Variants in SEMA4D observed in about 807,000 individuals in gnomAD.
SEMA4D encodes the protein semaphorin 4D, also known as semaphorin-4D.
SEMA4D carries 22 observed loss-of-function variants against 74.8 expected under a neutral mutation model. The ratio of observed to expected loss-of-function variants is 0.29; its 90% CI spans 0.21 to 0.42. SEMA4D has a LOEUF of 0.42. Ranked by LOEUF, SEMA4D falls within the 10% of genes least tolerant of loss-of-function variation. The pLI is 1.00. For synonymous variants in SEMA4D, 445 were observed against 463.7 expected, an observed-to-expected ratio of 0.96 and a Z score of 0.52; for missense variants, 937 against 1,118.4, an observed-to-expected ratio of 0.84 and a Z score of 2.31.
At position 89,384,820 on chromosome 9, in the gene SEMA4D, CT is replaced by C. The variant is rs1178630949; in HGVS notation, c.1446+1546del. 5 of 985,284 alleles carry C rather than the reference CT, an allele frequency of 5.1e-6. No homozygotes were observed. In the African/African-American group the frequency reaches 8.7e-5, roughly 17 times the overall value. 61.0% of individuals were successfully genotyped at this position (985,284 alleles called of 1,614,324 possible). ...GCCTGATGGGGTCAGGCGGCACAGTCTTTTTACCACTGAACAGCCACTTCCT... is the reference window on the plus strand; with the variant it reads ...GCCTGATGGGGTCAGGCGGCACAGTCTTTTACCACTGAACAGCCACTTCCT... On this transcript the variant is annotated intron_variant, in intron 13 of 15. Coordinates refer to ENST00000422704, the MANE Select transcript of SEMA4D (RefSeq NM_001371194.2).
intron 1 of SEMA4D, among the ~76,000 whole-genome samples, chr9:89,468,697 C>A (rs1295226171): frequency 6.6e-6 from 1 of 152,204 alleles, no homozygotes; most frequent in Non-Finnish European, 1.5e-5. Flanking sequence ...CTCATCCCCC[C>A]TCTAAGTGGT....
intron 2 of SEMA4D, among the ~76,000 whole-genome samples, chr9:89,431,463 A>T (rs1014927306): frequency 2.0e-5 from 3 of 152,148 alleles, no homozygotes; most frequent in African/African-American, 7.2e-5. Context: ...GGCATTTTTC[A>T]GTATTGTTCT....
intron 2 of SEMA4D, among the ~76,000 whole-genome samples, chr9:89,424,615 C>T (rs1255721620): frequency 6.6e-6 from 1 of 152,066 alleles, no homozygotes; most frequent in East Asian, 1.9e-4. Flanking sequence ...CCTTCTCGAA[C>T]CCTACTAATT....
chr9:89,475,454 C>T (rs1250016160), intron 1 of SEMA4D, among the ~76,000 whole-genome samples: 3 of 152,258 alleles, frequency 2.0e-5, no homozygotes, highest in African/African-American at 4.8e-5. Context: ...CCCACTCCCA[C>T]CACACGGCCA....
intron 1 of SEMA4D, among the ~76,000 whole-genome samples, chr9:89,479,100 T>C (rs545703005): frequency 1.6e-3 from 251 of 152,262 alleles, no homozygotes; most frequent in African/African-American, 5.5e-3. Flanking sequence ...TGGCTGCCTG[T>C]GGAGCTTGGG....
Position 89,468,781 on chromosome 9 carries a change from G to A in SEMA4D, c.-309-12828C>T, listed in dbSNP as rs1222183136. 3.3e-5 allele frequency among the ~76,000 whole-genome samples: 5 copies of A among 152,152 alleles called. No homozygotes were observed. In the South Asian group the frequency reaches 6.2e-4, roughly 19 times the overall value. On this transcript the variant is annotated intron_variant, in intron 1 of 15. Coordinates refer to ENST00000422704, the MANE Select transcript of SEMA4D (RefSeq NM_001371194.2). ...GGTGTGTAATGCTTGTGTAATGCTC[G>A]GGGGCAGCAATCTGAAACTTCTAGA...
At chr9:89,495,074 G>C (rs1301477468) in intron 1 of SEMA4D, among the ~76,000 whole-genome samples, 2 of 152,084 alleles carry the variant, frequency 1.3e-5, no homozygotes, top group African/African-American at 2.4e-5. Flanking sequence ...CCAGGGCAGG[G>C]ATGCAGTCAT....
intron 2 of SEMA4D, among the ~76,000 whole-genome samples, chr9:89,451,061 C>T (rs143080220): frequency 0.011 from 1,654 of 152,310 alleles, 27 homozygotes; most frequent in African/African-American, 0.037. Context: ...CTACTCTCTG[C>T]TTGGTCAAGG....
At chr9:89,398,596 A>C (rs1841516683) in intron 5 of SEMA4D, among the ~76,000 whole-genome samples, 1 of 152,224 alleles carries the variant, frequency 6.6e-6, no homozygotes, top group Admixed American at 6.5e-5. Context: ...TGTCCCACAC[A>C]ATGAGAAAAG....
intron 18 of SEMA4D, chr9:89,363,399 C>G: frequency 3.7e-6 from 6 of 1,607,256 alleles, no homozygotes; most frequent in South Asian, 1.1e-5. Flanking sequence ...GGCTCCAGCC[C>G]TCCTTTCTTT....
chr9:89,363,484 C>G (rs768446379), exon 18 of SEMA4D: 1 of 1,614,126 alleles, frequency 6.2e-7, no homozygotes, highest in Admixed American at 1.7e-5. Context: ...CCACAGCCCT[C>G]CAGGCAGAGA....
Position 89,492,314 on chromosome 9 carries a change from C to A in SEMA4D, c.-310+5605G>T, listed in dbSNP as rs867867421. Among the ~76,000 whole-genome samples, 2 of 152,194 alleles carry A rather than the reference C, an allele frequency of 1.3e-5. No individual in the cohort carries two copies. The highest frequency in any genetic ancestry group is 4.8e-5 in the African/African-American group (2 of 41,430). ...CTCAGAACCCTCTGGTTATCCCCTA[C>A]CTCGCTGGCCGCACCTTCTTGGTTT... On this transcript the variant is annotated intron_variant, in intron 1 of 15. Transcript: ENST00000422704. The surrounding 1 kb of genome is among the most constrained non-coding windows in gnomAD (Gnocchi z 4.3).
At chr9:89,456,125 C>T (rs776737276) in intron 1 of SEMA4D, among the ~76,000 whole-genome samples, 172 bp from the exon 2 acceptor site, 2 of 152,230 alleles carry the variant, frequency 1.3e-5, no homozygotes, top group Non-Finnish European at 1.5e-5. Context: ...TACCTGGCCA[C>T]GTGAGACCAG....
chr9:89,390,373 C>G (rs74833842), intron 9 of SEMA4D, among the ~76,000 whole-genome samples: 40 of 56,212 alleles, frequency 7.1e-4, no homozygotes, highest in Middle Eastern at 8.3e-3. Context: ...TGCGGGGCTG[C>G]GGGGCAGCTG....
At chr9:89,379,714 CA>C in intron 15 of SEMA4D, 85 bp from the exon 16 acceptor site, 1 of 1,442,778 alleles carries the variant, frequency 6.9e-7, no homozygotes, top group East Asian at 2.3e-5. Flanking sequence ...CAAGATGACG[CA>C]AGAGTTTCAC....
chr9:89,376,741 G>T, downstream of SEMA4D: 1 of 1,465,524 alleles, frequency 6.8e-7, no homozygotes, highest in Non-Finnish European at 9.2e-7. Context: ...AAAGGAACAT[G>T]TGGAGGGATG....
intron 2 of SEMA4D, among the ~76,000 whole-genome samples, chr9:89,411,951 T>A (rs1401145712): frequency 6.6e-6 from 1 of 152,190 alleles, no homozygotes; most frequent in Non-Finnish European, 1.5e-5. Context: ...CTCCCTCCGA[T>A]GCACCCCACC....
chr9:89,419,022 C>T (rs566756323), intron 2 of SEMA4D, among the ~76,000 whole-genome samples: 129 of 151,130 alleles, frequency 8.5e-4, no homozygotes, highest in African/African-American at 3.1e-3. Context: ...ACGGCTCCCT[C>T]CTCTACAGAC....
intron 2 of SEMA4D, among the ~76,000 whole-genome samples, chr9:89,427,214 G>T (rs556860613): frequency 7.9e-5 from 12 of 152,276 alleles, no homozygotes; most frequent in African/African-American, 2.9e-4. Flanking sequence ...TCTTCCAGAT[G>T]CTTCCAGCCC....
Sources: allele counts gnomAD v4.1 joint callset (sites outside exome capture counted in the v4.1 genomes callset), GRCh38; gene constraint gnomAD v4.1.1; non-coding constraint Gnocchi (gnomAD v3.1); transcripts MANE v1.5; gene names NCBI Gene and HGNC (gene_info 2026-07-23, HGNC 2026-07-21).